The following ZBTB10 variants were observed in gnomAD, a reference collection of about 807,000 sequenced individuals.
ZBTB10 encodes zinc finger and BTB domain-containing protein 10.
ZBTB10 carries 32 observed loss-of-function variants against 76.4 expected under a neutral mutation model. The observed-to-expected ratio is 0.42, with a 90% CI of 0.32 to 0.56. The LOEUF is 0.56. Among genes scored for constraint, ZBTB10 ranks in the 20% least tolerant of loss-of-function variants. The pLI is 0.14. For synonymous variants in ZBTB10, 523 were observed against 432.9 expected (o/e 1.21, Z -2.58); for missense variants, 1,057 against 1,098.5 (o/e 0.96, Z 0.53).
At chr8:80,486,183 T>C, upstream of ZBTB10, 2 of 1,037,006 alleles carry the variant, frequency 1.9e-6, no homozygotes, top group Non-Finnish European at 2.4e-6. Flanking sequence ...CCTCCAGCGG[T>C]TACTGCTACC....
chr8:80,498,894 A>G (rs1815853529), intron 1 of ZBTB10, among the ~76,000 whole-genome samples: 3 of 152,260 alleles, frequency 2.0e-5, no homozygotes, highest in Admixed American at 1.3e-4. Context: ...TTGAAAGTTG[A>G]TAGGAAATTA....
chr8:80,499,318 T>C (rs188130713), intron 1 of ZBTB10, among the ~76,000 whole-genome samples, 176 bp from the exon 2 acceptor site: 45 of 152,358 alleles, frequency 3.0e-4, no homozygotes, highest in African/African-American at 1.1e-3. Context: ...TTGATTTTTT[T>C]CTTTTTTAAT....
At chr8:80,495,576 A>G (rs972662981) in intron 1 of ZBTB10, among the ~76,000 whole-genome samples, 1 of 152,170 alleles carries the variant, frequency 6.6e-6, no homozygotes, top group Non-Finnish European at 1.5e-5. Flanking sequence ...TTCTGCTCTT[A>G]TAACACCTTA....
chr8:80,513,800 T>C lies in ZBTB10; in HGVS notation c.1862-110T>C, dbSNP rs1360386832. The stretch of plus-strand genomic sequence containing the variant: ...GTATTGAACACAGTAGATAATTCAT[T>C]ACTTACAGATGGTACTTTTTATTTA... On this transcript the variant is annotated intron_variant, in intron 2 of 5. Transcript: ENST00000455036. 8 of 817,364 alleles carry C rather than the reference T, an allele frequency of 9.8e-6. No individual in the cohort carries two copies. The African/African-American group carries it at 1.4e-4, about 14-fold the overall frequency. The allele number at this position is 817,364 out of a possible 1,614,324, so 50.6% of individuals were successfully genotyped here.
chr8:80,496,884 C>T (rs1480516531), intron 1 of ZBTB10, among the ~76,000 whole-genome samples: 1 of 152,208 alleles, frequency 6.6e-6, no homozygotes, highest in African/African-American at 2.4e-5. Context: ...ATACAATATT[C>T]ATGCTTTTAC....
intron 5 of ZBTB10, 105 bp downstream of exon 5, chr8:80,519,059 C>G: frequency 1.4e-6 from 2 of 1,431,912 alleles, no homozygotes; most frequent in Non-Finnish European, 1.9e-6. Flanking sequence ...AAGATTGTCT[C>G]CTAAATTGCT....
Position 80,486,812 on chromosome 8 carries a change from TGTC to T in ZBTB10, c.5_7del (p.Ser2?), listed in dbSNP as rs144692080. 58,564 of 1,446,172 alleles carry T rather than the reference TGTC, an allele frequency of 0.04. 1,665 individuals are homozygous for T. Among genetic ancestry groups the T allele is most frequent in the East Asian group, 0.17 (5,391 of 32,326 alleles). 89.6% of individuals were successfully genotyped at this position (1,446,172 alleles called of 1,614,324 possible). ...GCGGCGGCGGCGGCGGCGCGCGCCA[TGTC>T]GTTCAGTGAAATGAACCGCAGGACG... On this transcript the variant is annotated start_lost and inframe_deletion, in exon 1 of 6. Coordinates refer to ENST00000455036, the MANE Select transcript of ZBTB10 (RefSeq NM_001105539.3).
intron 2 of ZBTB10, among the ~76,000 whole-genome samples, chr8:80,505,254 C>T (rs944441438): frequency 1.8e-4 from 28 of 152,296 alleles, no homozygotes; most frequent in Admixed American, 6.5e-4. Flanking sequence ...CATACCAGTT[C>T]TACCAGGATG....
chr8:80,510,499 A>G (rs1443514011), intron 2 of ZBTB10, among the ~76,000 whole-genome samples: 4 of 152,198 alleles, frequency 2.6e-5, no homozygotes, highest in Non-Finnish European at 4.4e-5. Flanking sequence ...GGTTGCTACT[A>G]TCTGTTCACT....
Position 80,519,640 on chromosome 8 carries a change from T to C in ZBTB10, c.*112T>C, listed in dbSNP as rs888599550. The C allele has an allele frequency of 2.2e-5, 28 of 1,253,384 alleles. No homozygotes were observed. Among genetic ancestry groups the C allele is most frequent in the African/African-American group, 1.8e-4 (12 of 66,028 alleles). The allele number at this position is 1,253,384 out of a possible 1,614,324, so 77.6% of individuals were successfully genotyped here. Reference sequence around the variant, plus strand: ...TATGGTACATGCTGGATAGTAGTTATGTTGCTGTGAAAACTGTAGGGTCAA... The same window carrying C: ...TATGGTACATGCTGGATAGTAGTTACGTTGCTGTGAAAACTGTAGGGTCAA... On this transcript the variant is annotated 3_prime_UTR_variant, in exon 6 of 6. Transcript: ENST00000455036.
chr8:80,495,420 T>G (rs1419228125), intron 1 of ZBTB10, among the ~76,000 whole-genome samples: 1 of 151,894 alleles, frequency 6.6e-6, no homozygotes, highest in Non-Finnish European at 1.5e-5. Flanking sequence ...TGTTGTTTTT[T>G]TTTTTTTTAA....
chr8:80,487,785 A>G lies in ZBTB10; in HGVS notation c.972+3A>G. ...AACTCCACGAAGCCAACGCCCAGGT[A>G]CAGTATATCCTGCTCCTACTTTTTT... On this transcript the variant is annotated splice_donor_region_variant and intron_variant, in intron 1 of 5. Coordinates refer to ENST00000455036, the MANE Select transcript of ZBTB10 (RefSeq NM_001105539.3). 2 of 1,584,984 alleles carry G rather than the reference A, an allele frequency of 1.3e-6. No homozygotes were observed. The highest frequency in any genetic ancestry group is 1.2e-5 in the South Asian group (1 of 85,396).
rs1323170755 is a variant in ZBTB10 at position 80,519,422 on chromosome 8, A to G, written c.2510A>G (p.Asn837Ser). 1.2e-6 allele frequency: 2 copies of G among 1,612,658 alleles called. No homozygotes were observed. The highest frequency in any genetic ancestry group is 1.7e-6 in the Non-Finnish European group (2 of 1,179,460). The stretch of plus-strand genomic sequence containing the variant: ...CCTCGGGATGAAGAATACGAGGAGA[A>G]TGAAGTAGGAGAAGCTGATGAAGAG... ...EFPRDEEYEE[N>S]EVGEADEELV... The change falls in exon 6 of 6, where the codon AAT becomes AGT. Residue 837 changes from asparagine to serine, a missense_variant. By Grantham distance (46) the Asn-to-Ser change is conservative. This residue lies in a region of ZBTB10 where 55 missense variants were observed against 65.5 expected (regional missense o/e 0.84). Transcript: ENST00000455036.
chr8:80,491,203 T>C (rs1376401878), intron 1 of ZBTB10, among the ~76,000 whole-genome samples: 1 of 152,238 alleles, frequency 6.6e-6, no homozygotes, highest in Non-Finnish European at 1.5e-5. Context: ...ATATTTTTAC[T>C]GTACCTTTTT....
chr8:80,505,825 GCTCATGTGATTCTCCCGC>G (rs1284511685), intron 2 of ZBTB10, among the ~76,000 whole-genome samples: 1 of 151,952 alleles, frequency 6.6e-6, no homozygotes, highest in African/African-American at 2.4e-5. Flanking sequence ...AACCTCCTGG[GCTCATGTGATTCTCCCGC>G]CTCACTCTCC....
At chr8:80,512,219 C>CTGG (rs1271548926) in intron 2 of ZBTB10, among the ~76,000 whole-genome samples, 1 of 152,118 alleles carries the variant, frequency 6.6e-6, no homozygotes, top group Non-Finnish European at 1.5e-5. Flanking sequence ...AGCCAACAGC[C>CTGG]TGGTGGAATA....
At position 80,498,509 on chromosome 8, in the gene ZBTB10, G is replaced by A. The variant is rs529560411; in HGVS notation, c.973-985G>A. 2.6e-5 allele frequency among the ~76,000 whole-genome samples: 4 copies of A among 152,286 alleles called. No individual in the cohort carries two copies. The South Asian group carries it at 8.3e-4, about 32-fold the overall frequency. ...TTCATTTGTTTAGCAAAGTGTGGCA[G>A]GCACTAATCAAAGTGCTGGAGGGAT... On this transcript the variant is annotated intron_variant, in intron 1 of 5. Transcript: ENST00000455036.
At position 80,519,309 on chromosome 8, in the gene ZBTB10, T is replaced by C; in HGVS notation, c.2397T>C (p.Ser799=). The C allele has an allele frequency of 6.2e-7, 1 of 1,613,834 alleles. No homozygotes were observed. Among genetic ancestry groups the C allele is most frequent in the South Asian group, 1.1e-5 (1 of 91,080 alleles). The change falls in exon 6 of 6, where the codon TCT becomes TCC. Residue 799 remains serine (S), a synonymous_variant. Coordinates refer to ENST00000455036, the MANE Select transcript of ZBTB10 (RefSeq NM_001105539.3). ...CCAGTGTTGGAATAAGACATGGATC[T>C]CGACGTTATGGTGTTTGTGTAGACT... is the stretch of plus-strand genomic sequence containing the variant. ...LAASVGIRHG[S]RRYGVCVDCA... is the part of the protein sequence containing the mutation.
chr8:80,503,948 A>G (rs1815987668), intron 2 of ZBTB10, among the ~76,000 whole-genome samples: 1 of 152,202 alleles, frequency 6.6e-6, no homozygotes, highest in African/African-American at 2.4e-5. Context: ...TGTGATGAAT[A>G]CACACAATTT....
Sources: allele counts gnomAD v4.1 joint callset (sites outside exome capture counted in the v4.1 genomes callset), GRCh38; gene constraint gnomAD v4.1.1; regional missense constraint gnomAD v4.1.1; transcripts MANE v1.5; gene names NCBI Gene and HGNC (gene_info 2026-07-23, HGNC 2026-07-21).